GPC5: variants seen among roughly 807,000 people sequenced by gnomAD.
The protein encoded by GPC5 is glypican 5.
GPC5 carries 47 observed loss-of-function variants against 53.9 expected under a neutral mutation model. That is an observed-to-expected ratio of 0.87 (90% CI 0.69 to 1.11). The LOEUF (loss-of-function observed/expected upper bound fraction) is 1.11, where lower values mean the gene tolerates loss of function less well. GPC5 is among the 50% of genes most tolerant of loss of function. The pLI, the probability that GPC5 is intolerant of heterozygous loss-of-function variation, is 0.00. For synonymous variants in GPC5, 286 were observed against 263.3 expected, an observed-to-expected ratio of 1.09 and a Z score of -0.84; for missense variants, 748 against 713.1, an observed-to-expected ratio of 1.05 and a Z score of -0.56.
chr13:92,352,550 A>G (rs1312784756), intron 7 of GPC5, among the ~76,000 whole-genome samples: 3 of 151,822 alleles, frequency 2.0e-5, no homozygotes, highest in East Asian at 1.9e-4. Context: ...GCCAAAAGAC[A>G]TAAGTAGATA....
At position 92,385,397 on chromosome 13, in the gene GPC5, TACACATATATAC is replaced by T. The variant is rs1566567314; in HGVS notation, c.1561+240412_1561+240423del. ...ACATATATACATATATATACATATA[TACACATATATAC>T]ACATATATATACATATATACATATA... On this transcript the variant is annotated intron_variant, in intron 7 of 7. Transcript: ENST00000377067. Among the ~76,000 whole-genome samples the T allele has an allele frequency of 3.9e-3, 344 of 88,180 alleles. 2 individuals are homozygous for T. Among genetic ancestry groups the T allele is most frequent in the South Asian group, 7.5e-3 (23 of 3,054 alleles). 57.8% of individuals were successfully genotyped at this position (88,180 alleles called of 152,430 possible).
At chr13:91,627,802 G>A (rs1398827543) in intron 2 of GPC5, among the ~76,000 whole-genome samples, 1 of 152,052 alleles carries the variant, frequency 6.6e-6, no homozygotes, top group African/African-American at 2.4e-5. Context: ...TAGCCTTCTG[G>A]AGGAAATGAT....
intron 7 of GPC5, among the ~76,000 whole-genome samples, chr13:92,840,617 A>G (rs560602834): frequency 6.6e-6 from 1 of 152,184 alleles, no homozygotes; most frequent in South Asian, 2.1e-4. Flanking sequence ...TTTTAGAATG[A>G]ATTTTTCTAT....
At chr13:92,113,644 A>T (rs2041575637) in intron 6 of GPC5, among the ~76,000 whole-genome samples, 1 of 152,012 alleles carries the variant, frequency 6.6e-6, no homozygotes, top group Non-Finnish European at 1.5e-5. Context: ...ATATTAAGAG[A>T]CCCTCCAGAA....
chr13:92,397,920 T>G (rs1875360629), intron 7 of GPC5, among the ~76,000 whole-genome samples: 2 of 152,152 alleles, frequency 1.3e-5, no homozygotes, highest in African/African-American at 4.8e-5. Context: ...AAAAATACAA[T>G]GTACTATATC....
chr13:91,792,766 C>T (rs576251588), intron 5 of GPC5, among the ~76,000 whole-genome samples: 16 of 152,200 alleles, frequency 1.1e-4, no homozygotes, highest in Non-Finnish European at 1.9e-4. Context: ...TCTTTGGCTT[C>T]GAATGAATTC....
At chr13:91,909,492 T>A (rs1216405387) in intron 6 of GPC5, among the ~76,000 whole-genome samples, 2 of 152,294 alleles carry the variant, frequency 1.3e-5, no homozygotes, top group Non-Finnish European at 2.9e-5. Context: ...AAGTGTATAT[T>A]TATTCAGTCT....
chr13:92,441,549 C>T (rs1306430936), intron 7 of GPC5, among the ~76,000 whole-genome samples: 1 of 152,082 alleles, frequency 6.6e-6, no homozygotes, highest in East Asian at 1.9e-4. Context: ...TAACATTGAA[C>T]CTGAGGGCCA....
intron 2 of GPC5, among the ~76,000 whole-genome samples, chr13:91,482,607 T>A (rs1404802275): frequency 6.6e-6 from 1 of 152,194 alleles, no homozygotes; most frequent in Admixed American, 6.5e-5. Flanking sequence ...CTCAGGTGAA[T>A]TGTGTGCACA....
rs565086593 is a variant in GPC5, at chr13:92,369,454, G to C, written c.1561+224465G>C. Among the ~76,000 whole-genome samples, 9 of 152,320 alleles carry C rather than the reference G, an allele frequency of 5.9e-5. No individual in the cohort carries two copies. In the South Asian group the frequency reaches 6.2e-4, roughly 11 times the overall value. ...GGGCCTCCCAAAGTGTGAGATTACA[G>C]ATCTGAGCCACCACCTTCAGCCTAG... is the stretch of plus-strand genomic sequence containing the variant. On this transcript the variant is annotated intron_variant, in intron 7 of 7. Transcript: ENST00000377067.
chr13:91,693,226 C>A lies in GPC5; in HGVS notation c.365C>A (p.Thr122Asn). 6.2e-7 allele frequency: 1 copy of A among 1,613,936 alleles called. No homozygotes were observed. The highest frequency in any genetic ancestry group is 8.5e-7 in the Non-Finnish European group (1 of 1,179,932). ...CTCATCAAACAAGCAGAAAATTACA[C>A]CAGTATACTTTTTTGCAGTACCTAC... The part of the protein sequence containing the change: ...ETLIKQAENY[T>N]SILFCSTYRN... Residue 122 changes from threonine (T) to asparagine (N), a missense_variant, in exon 3 of 8, where the codon ACC becomes AAC. Physicochemically the swap from Thr to Asn is moderately conservative, Grantham distance 65. Transcript: ENST00000377067.
At chr13:92,788,357 A>T (rs924628275) in intron 7 of GPC5, among the ~76,000 whole-genome samples, 6 of 152,170 alleles carry the variant, frequency 3.9e-5, no homozygotes, top group African/African-American at 1.4e-4. Context: ...TATTTTTAAA[A>T]GCATATATTG....
intron 7 of GPC5, among the ~76,000 whole-genome samples, chr13:92,229,557 T>C (rs2042514825): frequency 6.6e-6 from 1 of 152,108 alleles, no homozygotes; most frequent in African/African-American, 2.4e-5. Context: ...CCAGAAATTT[T>C]TGCATTATGA....
At chr13:92,130,112 T>C (rs1454568103) in intron 6 of GPC5, among the ~76,000 whole-genome samples, 1 of 151,948 alleles carries the variant, frequency 6.6e-6, no homozygotes, top group African/African-American at 2.4e-5. Context: ...CTGGAGACAA[T>C]GAAATGGCAT....
chr13:92,388,056 C>A (rs546200985), intron 7 of GPC5, among the ~76,000 whole-genome samples: 2 of 151,856 alleles, frequency 1.3e-5, no homozygotes, highest in Admixed American at 6.6e-5. Flanking sequence ...TAAAATTAAC[C>A]TTATTTATAC....
chr13:91,996,789 C>CT (rs1175083355), intron 6 of GPC5, among the ~76,000 whole-genome samples: 2 of 152,142 alleles, frequency 1.3e-5, no homozygotes, highest in African/African-American at 4.8e-5. Context: ...ACATTGTATT[C>CT]TTTTTTGTCT....
chr13:91,693,887 T>C lies in GPC5; in HGVS notation c.1020+6T>C, dbSNP rs753174803. 2 of 1,571,778 alleles carry C rather than the reference T, an allele frequency of 1.3e-6. No individual in the cohort carries two copies. The highest frequency in any genetic ancestry group is 2.3e-5 in the South Asian group (2 of 88,394). On this transcript the variant is annotated splice_donor_region_variant and intron_variant, in intron 3 of 7. Transcript: ENST00000377067. ...GACAAAAATTATTGGAACAGGTAAG[T>C]AGGAGCTCCACATTTTCAGTCTGAC...
intron 7 of GPC5, among the ~76,000 whole-genome samples, chr13:92,683,639 C>A (rs1887170595): frequency 6.6e-6 from 1 of 152,032 alleles, no homozygotes; most frequent in African/African-American, 2.4e-5. Context: ...ATTAATATTG[C>A]ATTTCAGTGT....
At chr13:92,227,708 C>T (rs946364829) in intron 7 of GPC5, among the ~76,000 whole-genome samples, 2 of 136,674 alleles carry the variant, frequency 1.5e-5, no homozygotes, top group African/African-American at 5.8e-5. Flanking sequence ...GTGCCCCCAA[C>T]CCCAACACAG....
Sources: gnomAD v4.1 joint callset for allele counts (sites outside exome capture counted in the v4.1 genomes callset) on GRCh38, gnomAD v4.1.1 for gene constraint, MANE v1.5 for transcripts, NCBI Gene and HGNC (gene_info 2026-07-23, HGNC 2026-07-21) for gene names.